The following BEND6 variants were observed in gnomAD, a reference collection of about 807,000 sequenced individuals.
The protein encoded by BEND6 is BEN domain containing 6.
In BEND6, 24 loss-of-function variants were observed where a neutral mutation model predicts 31.8. The observed-to-expected ratio is 0.75, with a 90% CI of 0.55 to 1.06. The LOEUF is 1.06. Among genes scored for constraint, BEND6 ranks in the 50% least tolerant of loss-of-function variants. The pLI is 0.00. For synonymous variants in BEND6, 109 were observed against 114.6 expected, an observed-to-expected ratio of 0.95 and a Z score of 0.31; for missense variants, 294 against 327.4, an observed-to-expected ratio of 0.90 and a Z score of 0.79.
intron 4 of BEND6, among the ~76,000 whole-genome samples, chr6:57,016,136 TG>T (rs1249422229): frequency 6.6e-6 from 1 of 152,166 alleles, no homozygotes; most frequent in African/African-American, 2.4e-5. Context: ...CTCAGCATGC[TG>T]GCTGAACACA....
At chr6:56,994,457 CAAAAAAA>C (rs67871242) in intron 3 of BEND6, among the ~76,000 whole-genome samples, 3 of 54,858 alleles carry the variant, frequency 5.5e-5, no homozygotes, top group African/African-American at 8.7e-5. Context: ...GACTCCATCT[CAAAAAAA>C]AAAAAAAAAA....
chr6:57,020,315 T>C (rs577418306), intron 6 of BEND6, among the ~76,000 whole-genome samples: 1 of 152,078 alleles, frequency 6.6e-6, no homozygotes, highest in East Asian at 1.9e-4. Flanking sequence ...TCTCACTTTG[T>C]TGCCCAGGCT....
intron 3 of BEND6, among the ~76,000 whole-genome samples, chr6:57,007,477 G>A (rs1461414040): frequency 6.6e-6 from 1 of 152,072 alleles, no homozygotes; most frequent in East Asian, 1.9e-4. Flanking sequence ...GTCTGGAAAA[G>A]ATTTTGTGAA....
In BEND6 at chr6:56,992,418, G is replaced by A. The variant is rs1708655329; in HGVS notation, c.161G>A (p.Ser54Asn). 6.2e-7 allele frequency: 1 copy of A among 1,613,114 alleles called. No individual in the cohort carries two copies. The highest frequency in any genetic ancestry group is 1.7e-5 in the Admixed American group (1 of 59,776). Residue 54 changes from serine to asparagine, a missense_variant, in exon 3 of 7, where the codon AGC becomes AAC. Transcript: ENST00000370746. ...YSGNAFLPGE[S>N]SSEDEEPLAE... ...GGAAATGCCTTTCTGCCTGGTGAAA[G>A]CTCCAGTGAGGATGAAGAGCCTTTA...
intron 3 of BEND6, among the ~76,000 whole-genome samples, chr6:57,012,811 A>T (rs760903880): frequency 1.3e-5 from 2 of 152,242 alleles, no homozygotes; most frequent in Non-Finnish European, 2.9e-5. Context: ...TGAAAAAAAT[A>T]GTAAATATTC....
intron 2 of BEND6, among the ~76,000 whole-genome samples, chr6:56,991,169 T>C (rs1307621457): frequency 6.6e-6 from 1 of 152,214 alleles, no homozygotes; most frequent in Non-Finnish European, 1.5e-5. Flanking sequence ...ACATGATGTC[T>C]CTCTACATTA....
chr6:56,965,506 A>G (rs1825441723), intron 1 of BEND6, among the ~76,000 whole-genome samples: 1 of 151,980 alleles, frequency 6.6e-6, no homozygotes, highest in South Asian at 2.1e-4. Flanking sequence ...TTTAGCAAAT[A>G]GATATGTTGA....
At chr6:56,983,989 C>G (rs1472119847) in intron 2 of BEND6, among the ~76,000 whole-genome samples, 1 of 152,134 alleles carries the variant, frequency 6.6e-6, no homozygotes, top group Non-Finnish European at 1.5e-5. Context: ...AAGGCTGAGG[C>G]AGGAGGATCA....
At chr6:56,957,404 T>C (rs1027186390) in intron 1 of BEND6, among the ~76,000 whole-genome samples, 21 of 152,250 alleles carry the variant, frequency 1.4e-4, no homozygotes, top group African/African-American at 4.3e-4. Flanking sequence ...TTCTGATTTG[T>C]TTGTTGCTAA....
At chr6:56,966,034 A>G (rs1432454143) in intron 1 of BEND6, among the ~76,000 whole-genome samples, 2 of 152,178 alleles carry the variant, frequency 1.3e-5, no homozygotes, top group Non-Finnish European at 2.9e-5. Context: ...TCCTCCTAAA[A>G]TAGAACTTGT....
intron 1 of BEND6, among the ~76,000 whole-genome samples, chr6:56,963,597 T>A (rs575098213): frequency 2.0e-5 from 3 of 152,118 alleles, no homozygotes; most frequent in Admixed American, 1.3e-4. Flanking sequence ...ATAATAATTT[T>A]TTCTTTATAT....
At chr6:57,008,164 T>C in intron 3 of BEND6, 1 of 702,912 alleles carries the variant, frequency 1.4e-6, no homozygotes, top group South Asian at 1.5e-5. Flanking sequence ...ATTATTTCTA[T>C]CTTATCTCCT....
At chr6:57,013,144 G>A (rs1827403083) in intron 3 of BEND6, among the ~76,000 whole-genome samples, 1 of 152,076 alleles carries the variant, frequency 6.6e-6, no homozygotes, top group Non-Finnish European at 1.5e-5. Flanking sequence ...CAAAGTTAAG[G>A]GCAGTGTCCT....
intron 3 of BEND6, among the ~76,000 whole-genome samples, chr6:57,001,643 G>A (rs1826950470): frequency 1.3e-5 from 2 of 152,310 alleles, no homozygotes; most frequent in Admixed American, 6.5e-5. Context: ...GAGAAACTAA[G>A]CTTCATCGGT....
In BEND6 at chr6:57,017,251, G is replaced by A; in HGVS notation, c.564G>A (p.Lys188=). 1 of 1,562,042 alleles carries A rather than the reference G, an allele frequency of 6.4e-7. No homozygotes were observed. Among genetic ancestry groups the A allele is most frequent in the Non-Finnish European group, 8.7e-7 (1 of 1,155,066 alleles). The change falls in exon 5 of 7, where the codon AAG becomes AAA. Residue 188 remains lysine, a synonymous_variant. Coordinates refer to ENST00000370746, the MANE Select transcript of BEND6 (RefSeq NM_152731.3). ...AGATTGCCCGTTGTAACAAGAGCAAGCCTCAGAAGTTTATTAATGATTTAA... is the reference window on the plus strand; with the variant it reads ...AGATTGCCCGTTGTAACAAGAGCAAACCTCAGAAGTTTATTAATGATTTAA... The part of the protein sequence containing the change: ...KWQIARCNKS[K]PQKFINDLMQ...
At chr6:57,007,397 G>T (rs558074689) in intron 3 of BEND6, among the ~76,000 whole-genome samples, 25 of 149,076 alleles carry the variant, frequency 1.7e-4, no homozygotes, top group African/African-American at 6.1e-4. Context: ...ATGAATCAAA[G>T]ACCTAAATTT....
intron 6 of BEND6, among the ~76,000 whole-genome samples, chr6:57,019,493 C>G (rs975500292): frequency 2.0e-5 from 3 of 152,060 alleles, no homozygotes; most frequent in Non-Finnish European, 4.4e-5. Flanking sequence ...TGCCTAATAC[C>G]AGCCACTTTC....
rs199577987 is a variant in BEND6, at chr6:57,008,330, A to G, written c.299-6803A>G. On this transcript the variant is annotated intron_variant, in intron 3 of 6. Coordinates refer to ENST00000370746, the MANE Select transcript of BEND6 (RefSeq NM_152731.3). ...CTTGCTCCAGGTTGGGCAGAAGCCC[A>G]TGCAAGGCTACTACTGATCATGTTT... The G allele has an allele frequency of 1.3e-4, 91 of 684,250 alleles. No individual in the cohort carries two copies. In the East Asian group the frequency reaches 2.4e-3, roughly 18 times the overall value. The allele number at this position is 684,250 out of a possible 1,614,324, so 42.4% of individuals were successfully genotyped here.
chr6:56,975,663 TC>T, intron 1 of BEND6: 1 of 405,722 alleles, frequency 2.5e-6, no homozygotes, highest in Admixed American at 2.9e-5. Flanking sequence ...GTGAAAAAAC[TC>T]AGTAGGACAC....
Sources: allele counts gnomAD v4.1 joint callset (sites outside exome capture counted in the v4.1 genomes callset), GRCh38; gene constraint gnomAD v4.1.1; transcripts MANE v1.5; gene names NCBI Gene and HGNC (gene_info 2026-07-23, HGNC 2026-07-21).